DENND4C: variants seen among roughly 807,000 people sequenced by gnomAD.
The protein encoded by DENND4C is DENN domain-containing protein 4C.
A neutral mutation model predicts 203.0 loss-of-function variants in DENND4C; 108 were observed. The ratio of observed to expected loss-of-function variants is 0.53; its 90% CI spans 0.46 to 0.62. The LOEUF is 0.62. DENND4C is among the 20% of genes least tolerant of loss of function. DENND4C has a pLI of 0.00. For missense variants in DENND4C, 2,481 were observed against 2,301.2 expected, an observed-to-expected ratio of 1.08 and a Z score of -1.60; for synonymous variants, 871 against 792.4, an observed-to-expected ratio of 1.10 and a Z score of -1.67.
chr9:19,352,295 C>T, intron 25 of DENND4C, 113 bp downstream of exon 25: 3 of 1,114,968 alleles, frequency 2.7e-6, no homozygotes, highest in African/African-American at 1.6e-5. Flanking sequence ...TAAAATAAGT[C>T]ATTTTGTTGA....
chr9:19,266,420 C>G (rs1163281236), intron 1 of DENND4C, among the ~76,000 whole-genome samples: 6 of 152,180 alleles, frequency 3.9e-5, no homozygotes, highest in African/African-American at 1.4e-4. Context: ...CCTGTTCAAT[C>G]TGATGGTAGT....
At chr9:19,326,544 C>T (rs1229181487) in intron 15 of DENND4C, among the ~76,000 whole-genome samples, 3 of 151,998 alleles carry the variant, frequency 2.0e-5, no homozygotes, top group Non-Finnish European at 4.4e-5. Context: ...ACCAAGAAAA[C>T]TTAAGGTAGA....
chr9:19,234,597 C>G (rs1399712994), intron 1 of DENND4C, among the ~76,000 whole-genome samples: 1 of 143,432 alleles, frequency 7.0e-6, no homozygotes, highest in African/African-American at 2.6e-5. Context: ...CAGTGCATCT[C>G]AGCTCACTGC....
At chr9:19,261,075 A>G (rs921265194) in intron 1 of DENND4C, among the ~76,000 whole-genome samples, 1 of 152,046 alleles carries the variant, frequency 6.6e-6, no homozygotes, top group Admixed American at 6.6e-5. Context: ...CTTCTTCTGC[A>G]TATTGATATC....
intron 1 of DENND4C, among the ~76,000 whole-genome samples, chr9:19,242,680 G>GAGTCTC (rs1824071262): frequency 6.6e-6 from 1 of 151,286 alleles, no homozygotes; most frequent in Non-Finnish European, 1.5e-5. Flanking sequence ...TTTTGAGACG[G>GAGTCTC]AGTCTCCATT....
At chr9:19,354,597 C>T (rs1040330979) in intron 26 of DENND4C, among the ~76,000 whole-genome samples, 7 of 143,512 alleles carry the variant, frequency 4.9e-5, no homozygotes, top group Non-Finnish European at 9.0e-5. Context: ...TCTTGTCGCC[C>T]AGGCTGGAGT....
chr9:19,351,159 T>A (rs1400336674), intron 24 of DENND4C, among the ~76,000 whole-genome samples: 1 of 152,214 alleles, frequency 6.6e-6, no homozygotes, highest in African/African-American at 2.4e-5. Flanking sequence ...AGCCGCCTTA[T>A]GATCTATTCT....
In DENND4C at chr9:19,358,269, T is replaced by TA. The variant is rs1825802126; in HGVS notation, c.5160+110dup. The stretch of plus-strand genomic sequence containing the variant: ...CTTATTTTAATTACATGAAAAGTGA[T>TA]AGAGTTTTTCCATAAACAAATAACT... On this transcript the variant is annotated intron_variant, in intron 28 of 32. Coordinates refer to ENST00000434457, the MANE Select transcript of DENND4C (RefSeq NM_001330640.2). The surrounding 1 kb of genome is among the most constrained non-coding windows in gnomAD (Gnocchi z 4.8). 2 of 925,954 alleles carry TA rather than the reference T, an allele frequency of 2.2e-6. No individual in the cohort carries two copies. The highest frequency in any genetic ancestry group is 1.7e-5 in the African/African-American group (1 of 59,934). The allele number at this position is 925,954 out of a possible 1,614,324, so 57.4% of individuals were successfully genotyped here. A position where few individuals can be genotyped will look rare whatever the true frequency, so the allele number is the denominator to read the frequency against.
intron 1 of DENND4C, among the ~76,000 whole-genome samples, chr9:19,273,852 T>C (rs921877327): frequency 6.6e-6 from 1 of 152,030 alleles, no homozygotes; most frequent in Non-Finnish European, 1.5e-5. Context: ...TTTAGAAAAC[T>C]ATTAGGTAGT....
intron 1 of DENND4C, among the ~76,000 whole-genome samples, chr9:19,251,067 C>G (rs775392973): frequency 6.6e-6 from 1 of 152,252 alleles, no homozygotes. Flanking sequence ...CCACATTTCC[C>G]TTCCACACTG....
At chr9:19,301,368 C>CT (rs1193978176) in intron 9 of DENND4C, among the ~76,000 whole-genome samples, 1 of 152,172 alleles carries the variant, frequency 6.6e-6, no homozygotes, top group Non-Finnish European at 1.5e-5. Context: ...GACCTAATCT[C>CT]TTGTTTACTC....
chr9:19,266,865 A>G (rs1222308530), intron 1 of DENND4C, among the ~76,000 whole-genome samples: 2 of 152,256 alleles, frequency 1.3e-5, no homozygotes, highest in African/African-American at 2.4e-5. Context: ...ACCTAAAACC[A>G]TGAAAACCCT....
intron 1 of DENND4C, among the ~76,000 whole-genome samples, chr9:19,246,542 C>T (rs1484957816): frequency 6.6e-6 from 1 of 152,004 alleles, no homozygotes; most frequent in African/African-American, 2.4e-5. Flanking sequence ...CTGCACTGGG[C>T]ATGTTTGTTT....
intron 12 of DENND4C, among the ~76,000 whole-genome samples, chr9:19,322,577 C>G (rs1843056809): frequency 6.6e-6 from 1 of 151,494 alleles, no homozygotes; most frequent in African/African-American, 2.4e-5. Flanking sequence ...CTGGCTAACA[C>G]AGTGAAAAAT....
At chr9:19,264,686 T>C (rs1371100393) in intron 1 of DENND4C, among the ~76,000 whole-genome samples, 1 of 152,182 alleles carries the variant, frequency 6.6e-6, no homozygotes, top group Non-Finnish European at 1.5e-5. Context: ...TTGAGCCTTC[T>C]CTCTTTTTTT....
In DENND4C at chr9:19,278,679, C is replaced by T. The variant is rs947025743; in HGVS notation, c.305+2200C>T. Among the ~76,000 whole-genome samples the T allele has an allele frequency of 1.4e-4, 22 of 152,222 alleles. 2 individuals carry two copies. Among genetic ancestry groups the T allele is most frequent in the Admixed American group, 4.6e-4 (7 of 15,288 alleles). ...GATGATTTGTCTTTATCTTACTTGA[C>T]CTTTATGCAGCATTCGTTTAACTCC... On this transcript the variant is annotated intron_variant, in intron 2 of 32. Transcript: ENST00000434457.
chr9:19,305,679 T>C (rs1249110527), intron 10 of DENND4C, 152 bp downstream of exon 10: 4 of 691,654 alleles, frequency 5.8e-6, no homozygotes, highest in Non-Finnish European at 9.2e-6. Flanking sequence ...GGTATCAGAA[T>C]CTGGGAATGC....
rs1185098111 is a variant in DENND4C at position 19,336,283 on chromosome 9, G to T, written c.2603G>T (p.Ser868Ile). The change falls in exon 19 of 33, where the codon AGC (serine) becomes ATC (isoleucine). Residue 868 changes from serine to isoleucine, a missense_variant. By Grantham distance (142) the Ser-to-Ile change is moderately radical. Coordinates refer to ENST00000434457, the MANE Select transcript of DENND4C (RefSeq NM_001330640.2). ...YGYYNKVVLE[S>I]PWPSSTRSGI... ...TTTTACCTTTAGGTAGTCTTGGAGA[G>T]CCCGTGGCCTAGCAGTACCCGCAGT... 6.2e-7 allele frequency: 1 copy of T among 1,612,918 alleles called. No individual in the cohort carries two copies. Among genetic ancestry groups the T allele is most frequent in the Non-Finnish European group, 8.5e-7 (1 of 1,179,706 alleles).
intron 1 of DENND4C, among the ~76,000 whole-genome samples, chr9:19,272,194 C>T (rs1385580940): frequency 6.6e-6 from 1 of 151,308 alleles, no homozygotes; most frequent in Non-Finnish European, 1.5e-5. Flanking sequence ...CCAAGGTGGG[C>T]GGATCACCTG....
Sources: allele counts gnomAD v4.1 joint callset (sites outside exome capture counted in the v4.1 genomes callset), GRCh38; gene constraint gnomAD v4.1.1; non-coding constraint Gnocchi (gnomAD v3.1); transcripts MANE v1.5; gene names NCBI Gene and HGNC (gene_info 2026-07-23, HGNC 2026-07-21).